The following ZKSCAN7 variants were observed in gnomAD, a reference collection of about 807,000 sequenced individuals.
ZKSCAN7 encodes zinc finger protein with KRAB and SCAN domains 7.
A neutral mutation model predicts 65.3 loss-of-function variants in ZKSCAN7; 38 were observed. The ratio of observed to expected loss-of-function variants is 0.58; its 90% CI spans 0.45 to 0.76. The LOEUF is 0.76. ZKSCAN7 is among the 30% of genes least tolerant of loss of function. The pLI is 0.00. For missense variants in ZKSCAN7, 815 were observed against 913.3 expected, an observed-to-expected ratio of 0.89 and a Z score of 1.39; for synonymous variants, 321 against 321.0, an observed-to-expected ratio of 1.00 and a Z score of 0.00.
In ZKSCAN7 at chr3:44,571,421, G is replaced by A. The variant is rs1575376944; in HGVS notation, c.*46G>A. On this transcript the variant is annotated 3_prime_UTR_variant, in exon 6 of 6. Coordinates refer to ENST00000426540, the MANE Select transcript of ZKSCAN7 (RefSeq NM_001288590.2). Reference sequence around the variant, plus strand: ...AGAGCAACGACCTTTGAGTTAAGCTGTCTTTATAAGCAGGATGCTCATAGT... The same window carrying A: ...AGAGCAACGACCTTTGAGTTAAGCTATCTTTATAAGCAGGATGCTCATAGT... 1 of 1,607,268 alleles carries A rather than the reference G, an allele frequency of 6.2e-7. No individual in the cohort carries two copies. The highest frequency in any genetic ancestry group is 2.2e-5 in the East Asian group (1 of 44,868).
Position 44,571,847 on chromosome 3 carries a change from A to G in ZKSCAN7, c.*472A>G. The stretch of plus-strand genomic sequence containing the variant: ...TAACTTTTCATCAGTTTTGTTCCCT[A>G]TCTAGAAAACATTTTCTTCTGTTTG... On this transcript the variant is annotated 3_prime_UTR_variant, in exon 6 of 6. Transcript: ENST00000426540. The G allele has an allele frequency of 8.1e-6, 8 of 988,220 alleles. No homozygotes were observed. The highest frequency in any genetic ancestry group is 9.6e-6 in the Non-Finnish European group (8 of 831,748). The allele number at this position is 988,220 out of a possible 1,614,324, so 61.2% of individuals were successfully genotyped here. A position where few individuals can be genotyped will look rare whatever the true frequency, so the allele number is the denominator to read the frequency against.
rs147448170 is a variant in ZKSCAN7 at position 44,571,171 on chromosome 3, G to A, written c.2061G>A (p.Gly687=). 6.8e-5 allele frequency: 110 copies of A among 1,614,134 alleles called. No individual in the cohort carries two copies. In the African/African-American group the frequency reaches 1.3e-3, roughly 19 times the overall value. ...TGGTACATCAGAGAACCCATACTGG[G>A]GAAAAACCCTATAAATGCAATGATT... ...SLMVHQRTHT[G]EKPYKCNDCG... is the part of the protein sequence containing the mutation. The change falls in exon 6 of 6, where the codon GGG becomes GGA. Residue 687 remains glycine (G), a synonymous_variant. Coordinates refer to ENST00000426540, the MANE Select transcript of ZKSCAN7 (RefSeq NM_001288590.2).
intron 5 of ZKSCAN7, chr3:44,580,630 C>T (rs1700050968): frequency 1.2e-6 from 2 of 1,613,958 alleles, no homozygotes; most frequent in East Asian, 2.2e-5. Flanking sequence ...TCCTTGGTCT[C>T]CGCCCGGATG....
At chr3:44,583,029 C>T (rs766466869) in exon 6 of ZKSCAN7, 16 of 436,690 alleles carry the variant, frequency 3.7e-5, no homozygotes, top group Middle Eastern at 7.0e-4. Flanking sequence ...CGAGTTCAAG[C>T]GATTCTCCTG....
chr3:44,562,765 G>A (rs940593877), intron 2 of ZKSCAN7, among the ~76,000 whole-genome samples: 10 of 152,196 alleles, frequency 6.6e-5, no homozygotes, highest in South Asian at 4.1e-4. Flanking sequence ...GGTGGATCAC[G>A]AGGTCAGGAG....
intron 5 of ZKSCAN7, chr3:44,580,821 C>G (rs1559435080): frequency 1.2e-6 from 2 of 1,613,292 alleles, no homozygotes; most frequent in Admixed American, 3.3e-5. Context: ...CTGTCGCTGC[C>G]ATTTCGGAGA....
At chr3:44,568,056 A>T in intron 4 of ZKSCAN7, 53 bp downstream of exon 4, 1 of 820,952 alleles carries the variant, frequency 1.2e-6, no homozygotes, top group South Asian at 1.8e-5. Context: ...TGGTCCAAGA[A>T]TGGCTAGAGG....
Position 44,571,124 on chromosome 3 carries a change from T to C in ZKSCAN7, c.2014T>C (p.Phe672Leu). ...TGAATGTAATGAGTGTGGGAAGGTATTCAGTTATAGCTCCAGCCTTATGGT... is the reference window on the plus strand; with the variant it reads ...TGAATGTAATGAGTGTGGGAAGGTACTCAGTTATAGCTCCAGCCTTATGGT... ...PYECNECGKV[F>L]SYSSSLMVHQ... The change falls in exon 6 of 6, where the codon TTC becomes CTC. Residue 672 changes from phenylalanine to leucine, a missense_variant. By Grantham distance (22) the Phe-to-Leu change is conservative. Transcript: ENST00000426540. The C allele has an allele frequency of 1.9e-6, 3 of 1,614,128 alleles. No individual in the cohort carries two copies. The East Asian group carries it at 6.7e-5, about 36-fold the overall frequency.
At chr3:44,560,783 C>T (rs563265551) in intron 2 of ZKSCAN7, among the ~76,000 whole-genome samples, 2 of 152,314 alleles carry the variant, frequency 1.3e-5, no homozygotes, top group East Asian at 3.9e-4. Flanking sequence ...GCTGGGATTA[C>T]AGGCATGAGC....
chr3:44,564,693 C>T (rs1206471104), intron 2 of ZKSCAN7, among the ~76,000 whole-genome samples: 1 of 152,190 alleles, frequency 6.6e-6, no homozygotes, highest in Non-Finnish European at 1.5e-5. Context: ...GGTATTGCTT[C>T]AGCTGTTAGT....
chr3:44,568,603 G>A, intron 5 of ZKSCAN7, 170 bp downstream of exon 5: 2 of 959,394 alleles, frequency 2.1e-6, no homozygotes, highest in Non-Finnish European at 3.0e-6. Context: ...ACAGTGATCA[G>A]CATACTCTTC....
chr3:44,563,608 G>A (rs1381565802), intron 2 of ZKSCAN7, among the ~76,000 whole-genome samples: 3 of 152,086 alleles, frequency 2.0e-5, no homozygotes, highest in Admixed American at 6.5e-5. Context: ...GATTTCATGA[G>A]AACTCACTAT....
downstream of ZKSCAN7, among the ~76,000 whole-genome samples, chr3:44,572,311 C>G (rs1699827667): frequency 6.6e-6 from 1 of 150,986 alleles, no homozygotes; most frequent in Admixed American, 6.6e-5. Context: ...GGAAGTCTTA[C>G]TACTGTTACT....
At position 44,570,847 on chromosome 3, in the gene ZKSCAN7, C is replaced by T. The variant is rs1183047194; in HGVS notation, c.1737C>T (p.Tyr579=). 3.1e-6 allele frequency: 5 copies of T among 1,613,950 alleles called. No individual in the cohort carries two copies. Among genetic ancestry groups the T allele is most frequent in the Non-Finnish European group, 4.2e-6 (5 of 1,180,014 alleles). The change falls in exon 6 of 6, where the codon TAC becomes TAT. Residue 579 remains tyrosine, a synonymous_variant. Transcript: ENST00000426540. ...GCCTCCATACTGGGGAAAAGCCATA[C>T]AAATGTAGTGAATGTGGGAAAGCCT... ...HQSLHTGEKP[Y]KCSECGKAFN...
chr3:44,571,464 A>C lies in ZKSCAN7; in HGVS notation c.*89A>C. The C allele has an allele frequency of 6.3e-7, 1 of 1,599,392 alleles. No individual in the cohort carries two copies. Among genetic ancestry groups the C allele is most frequent in the African/African-American group, 1.3e-5 (1 of 75,008 alleles). ...CTCATAGTGGTTTCCCGGAGCCAGT[A>C]GTCACGGTGGACCATTCCCTACTTG... is the stretch of plus-strand genomic sequence containing the variant. On this transcript the variant is annotated 3_prime_UTR_variant, in exon 6 of 6. Coordinates refer to ENST00000426540, the MANE Select transcript of ZKSCAN7 (RefSeq NM_001288590.2).
At chr3:44,555,936 G>A (rs1325975910) in intron 1 of ZKSCAN7, among the ~76,000 whole-genome samples, 1 of 152,200 alleles carries the variant, frequency 6.6e-6, no homozygotes, top group Non-Finnish European at 1.5e-5. Flanking sequence ...GTGCACACGT[G>A]TACAAAGATG....
downstream of ZKSCAN7, chr3:44,572,199 C>T: frequency 3.0e-6 from 3 of 985,398 alleles, no homozygotes; most frequent in Non-Finnish European, 3.6e-6. Flanking sequence ...CACGATCTTT[C>T]TCCCCTCCCC....
At chr3:44,569,854 C>T in intron 5 of ZKSCAN7, 68 bp from the exon 6 acceptor site, 1 of 1,472,912 alleles carries the variant, frequency 6.8e-7, no homozygotes. Flanking sequence ...TATGTTAGCT[C>T]TTAATGATTC....
chr3:44,568,395 A>G lies in ZKSCAN7; in HGVS notation c.773A>G (p.Asn258Ser). ...CTCAGTCAGAGAGCCCTGCAGTGGA[A>G]CATGATGCCAGAAAATCACCATAGC... ...LTLSQRALQW[N>S]MMPENHHSMA... Residue 258 changes from asparagine (N) to serine (S), a missense_variant, in exon 5 of 6, where the codon AAC becomes AGC. Physicochemically the swap from Asn to Ser is conservative, Grantham distance 46 (BLOSUM62 1). Around this residue, in one of 3 missense-constraint regions of ZKSCAN7, gnomAD observed 578 missense variants for 629.5 expected, o/e 0.92. Transcript: ENST00000426540. The G allele has an allele frequency of 1.2e-6, 2 of 1,614,148 alleles. No individual in the cohort carries two copies. Among genetic ancestry groups the G allele is most frequent in the African/African-American group, 2.7e-5 (2 of 75,056 alleles).
Sources: gnomAD v4.1 joint callset for allele counts (sites outside exome capture counted in the v4.1 genomes callset) on GRCh38, gnomAD v4.1.1 for gene constraint, gnomAD v4.1.1 regional missense constraint, MANE v1.5 for transcripts, NCBI Gene and HGNC (gene_info 2026-07-23, HGNC 2026-07-21) for gene names.